Variants in LRRC15 observed in about 807,000 individuals in gnomAD.
The protein encoded by LRRC15 is leucine-rich repeat-containing protein 15.
A neutral mutation model predicts 4.3 loss-of-function variants in LRRC15; 5 were observed. That is an observed-to-expected ratio of 1.16 (90% CI 0.61 to 2.44). The LOEUF (loss-of-function observed/expected upper bound fraction) is 2.44, where lower values mean the gene tolerates loss of function less well. LRRC15 is among the 30% of genes most tolerant of loss of function. LRRC15 has a pLI of 0.01. For missense variants in LRRC15, 769 were observed against 747.0 expected, an observed-to-expected ratio of 1.03 and a Z score of -0.34; for synonymous variants, 337 against 323.2, an observed-to-expected ratio of 1.04 and a Z score of -0.46.
rs1363913219 is a variant in LRRC15, at chr3:194,360,204, G to A, written c.840C>T (p.Ser280=). 1 of 1,613,836 alleles carries A rather than the reference G, an allele frequency of 6.2e-7. No homozygotes were observed. The highest frequency in any genetic ancestry group is 8.5e-7 in the Non-Finnish European group (1 of 1,179,764). The change falls in exon 2 of 2, where the codon TCC becomes TCT. Residue 280 remains serine (S), a synonymous_variant. Coordinates refer to ENST00000347624, the MANE Select transcript of LRRC15 (RefSeq NM_130830.5). ...AGATCCCCGGAGAGAGCTCCTTCAG[G>A]GAATTCCCAAAGAGAGTAAGACGGT... is the stretch of plus-strand genomic sequence containing the variant. ...QLNRLTLFGN[S]LKELSPGIFG...
At chr3:194,362,126 C>CTGTGTG (rs151091397) in intron 1 of LRRC15, among the ~76,000 whole-genome samples, 6,762 of 151,552 alleles carry the variant, frequency 0.045, 299 homozygotes, top group African/African-American at 0.11. Flanking sequence ...ACATATATAA[C>CTGTGTG]TGTGTGTGTG....
At chr3:194,368,527 C>G (rs1015240076) in intron 1 of LRRC15, among the ~76,000 whole-genome samples, 21 of 152,126 alleles carry the variant, frequency 1.4e-4, no homozygotes, top group African/African-American at 4.8e-4. Context: ...GATGTTCAGT[C>G]TCTGCAGAAT....
intron 1 of LRRC15, among the ~76,000 whole-genome samples, chr3:194,368,042 A>C (rs1041014206): frequency 1.3e-5 from 2 of 152,192 alleles, no homozygotes; most frequent in African/African-American, 4.8e-5. Flanking sequence ...CACGGGCTAC[A>C]AACAGCCCCC....
intron 1 of LRRC15, chr3:194,363,415 GA>G (rs1415074614): frequency 7.2e-6 from 5 of 690,634 alleles, no homozygotes; most frequent in African/African-American, 1.8e-5. Flanking sequence ...GGACACATCT[GA>G]AAAAAAGTAA....
chr3:194,359,893 A>G lies in LRRC15; in HGVS notation c.1151T>C (p.Ile384Thr), dbSNP rs1713554044. 6.2e-7 allele frequency: 1 copy of G among 1,614,108 alleles called. No homozygotes were observed. The highest frequency in any genetic ancestry group is 1.7e-5 in the Admixed American group (1 of 60,018). ...NNRLRQLPGN[I>T]FANVNGLMAI... ...CATGAGGCCATTGACGTTGGCGAAG[A>G]TATTCCCTGGGAGCTGTCTGAGGCG... Residue 384 changes from isoleucine to threonine, a missense_variant, in exon 2 of 2, where the codon ATC (isoleucine) becomes ACC (threonine). Physicochemically the swap from Ile to Thr is moderately conservative, Grantham distance 89. Transcript: ENST00000347624.
rs775362796 is a variant in LRRC15, at chr3:194,361,047, C to T, written c.-3-1G>A. On this transcript the variant is annotated splice_acceptor_variant, in intron 1 of 1. Transcript: ENST00000347624. LOFTEE classifies it low-confidence loss of function (5UTR_SPLICE). The stretch of plus-strand genomic sequence containing the variant: ...GGAGATAATGCTTCAGTGGCATAGC[C>T]TGTGCAAGGGGAGAGAGCACACGTT... 2 of 1,502,806 alleles carry T rather than the reference C, an allele frequency of 1.3e-6. No individual in the cohort carries two copies. The highest frequency in any genetic ancestry group is 8.8e-7 in the Non-Finnish European group (1 of 1,132,922). 93.1% of individuals were successfully genotyped at this position (1,502,806 alleles called of 1,614,324 possible). A position where few individuals can be genotyped will look rare whatever the true frequency, so the allele number is the denominator to read the frequency against.
At chr3:194,365,988 C>T (rs1713762269) in intron 1 of LRRC15, among the ~76,000 whole-genome samples, 1 of 152,208 alleles carries the variant, frequency 6.6e-6, no homozygotes, top group African/African-American at 2.4e-5. Flanking sequence ...GAGGGCTGCC[C>T]AGTCATGGCC....
At position 194,360,976 on chromosome 3, in the gene LRRC15, T is replaced by C. The variant is rs539936886; in HGVS notation, c.68A>G (p.His23Arg). ...CQAWGAGLAYHGCPSECTCSR... is the reference protein window; with the variant it reads ...CQAWGAGLAYRGCPSECTCSR... ...GCAGGTACACTCGCTAGGGCAGCCA[T>C]GGTAGGCCAACCCTGCACCCCAGGC... Residue 23 changes from histidine (H) to arginine (R), a missense_variant, in exon 2 of 2, where the codon CAT becomes CGT. Transcript: ENST00000347624. 50 of 1,561,168 alleles carry C rather than the reference T, an allele frequency of 3.2e-5. No individual in the cohort carries two copies. The South Asian group carries it at 5.3e-4, about 16-fold the overall frequency.
intron 1 of LRRC15, chr3:194,363,317 G>C (rs1361664405): frequency 1.4e-6 from 1 of 698,630 alleles, no homozygotes; most frequent in African/African-American, 1.8e-5. Context: ...ACTTGACTAA[G>C]CATATAGAAC....
At chr3:194,368,767 C>G (rs542450400) in intron 1 of LRRC15, among the ~76,000 whole-genome samples, 1 of 152,296 alleles carries the variant, frequency 6.6e-6, no homozygotes, top group South Asian at 2.1e-4. Flanking sequence ...GGCTCTTGCA[C>G]TTTGGCAGGG....
At chr3:194,368,271 C>T (rs752364937) in intron 1 of LRRC15, among the ~76,000 whole-genome samples, 16 of 152,176 alleles carry the variant, frequency 1.1e-4, no homozygotes, top group Non-Finnish European at 1.9e-4. Flanking sequence ...AGCTCCTCCC[C>T]CACCCCTTAT....
Position 194,359,564 on chromosome 3 carries a change from G to C in LRRC15, c.1480C>G (p.Pro494Ala). Residue 494 changes from proline (P) to alanine (A), a missense_variant, in exon 2 of 2, where the codon CCC (proline) becomes GCC (alanine). Coordinates refer to ENST00000347624, the MANE Select transcript of LRRC15 (RefSeq NM_130830.5). ...ACGGATGTGGTGTCAGGGTAACTGG[G>C]TGTGTCTGGGTACCATGGTGTTTCT... is the stretch of plus-strand genomic sequence containing the variant. ...YPETPWYPDTPSYPDTTSVSS... is the reference protein window; with the variant it reads ...YPETPWYPDTASYPDTTSVSS... 2 of 1,614,054 alleles carry C rather than the reference G, an allele frequency of 1.2e-6. No homozygotes were observed. Among genetic ancestry groups the C allele is most frequent in the Non-Finnish European group, 1.7e-6 (2 of 1,179,972 alleles).
chr3:194,368,126 G>A (rs1469765383), intron 1 of LRRC15, among the ~76,000 whole-genome samples: 3 of 152,190 alleles, frequency 2.0e-5, no homozygotes, highest in African/African-American at 7.2e-5. Context: ...CTGGAAGCAG[G>A]TTCTAATTTC....
chr3:194,360,669 G>A lies in LRRC15; in HGVS notation c.375C>T (p.Asp125=). The A allele has an allele frequency of 6.2e-7, 1 of 1,614,230 alleles. No individual in the cohort carries two copies. Among genetic ancestry groups the A allele is most frequent in the Non-Finnish European group, 8.5e-7 (1 of 1,180,040 alleles). ...VLPIGLFQGL[D]SLESLLLSSN... ...TGGACAGAAGGAGAGACTCGAGGCT[G>A]TCCAGGCCCTGGAAGAGGCCGATGG... is the stretch of plus-strand genomic sequence containing the variant. Residue 125 remains aspartate (D), a synonymous_variant, in exon 2 of 2, where the codon GAC becomes GAT. Transcript: ENST00000347624.
At chr3:194,364,644 C>T (rs979446593) in intron 1 of LRRC15, among the ~76,000 whole-genome samples, 2 of 152,164 alleles carry the variant, frequency 1.3e-5, no homozygotes, top group Non-Finnish European at 2.9e-5. Flanking sequence ...GGGAAGGTGC[C>T]CCTTGACCTG....
chr3:194,360,959 A>G lies in LRRC15; in HGVS notation c.85T>C (p.Cys29Arg), dbSNP rs766289474. ...GLAYHGCPSE[C>R]TCSRASQVEC... ...ACCTGGGAGGCCCTGGAGCAGGTAC[A>G]CTCGCTAGGGCAGCCATGGTAGGCC... is the stretch of plus-strand genomic sequence containing the variant. The change falls in exon 2 of 2, where the codon TGT becomes CGT. Residue 29 changes from cysteine to arginine, a missense_variant. Cys to Arg is a radical substitution (Grantham distance 180). Coordinates refer to ENST00000347624, the MANE Select transcript of LRRC15 (RefSeq NM_130830.5). 5.1e-6 allele frequency: 8 copies of G among 1,580,384 alleles called. No individual in the cohort carries two copies. In the Admixed American group the frequency reaches 1.0e-4, roughly 20 times the overall value.
intron 1 of LRRC15, among the ~76,000 whole-genome samples, chr3:194,368,318 C>T (rs1033980523): frequency 2.0e-5 from 3 of 152,174 alleles, no homozygotes; most frequent in Non-Finnish European, 4.4e-5. Flanking sequence ...CGCCTCACCA[C>T]CCCGCCATTT....
chr3:194,368,999 A>G (rs1560049224), intron 1 of LRRC15, among the ~76,000 whole-genome samples: 2 of 152,244 alleles, frequency 1.3e-5, no homozygotes, highest in African/African-American at 4.8e-5. Context: ...AACTGCCAGC[A>G]TAGTGTCCCC....
chr3:194,367,598 G>A (rs1019538742), intron 1 of LRRC15, among the ~76,000 whole-genome samples: 3 of 152,196 alleles, frequency 2.0e-5, no homozygotes, highest in African/African-American at 4.8e-5. Context: ...GAGCCACCGC[G>A]CCCGGCCAGT....
Sources: gnomAD v4.1 joint callset for allele counts (sites outside exome capture counted in the v4.1 genomes callset) on GRCh38, gnomAD v4.1.1 for gene constraint, MANE v1.5 for transcripts, NCBI Gene and HGNC (gene_info 2026-07-23, HGNC 2026-07-21) for gene names.